The following EXOC6B variants were observed in gnomAD, a reference collection of about 807,000 sequenced individuals.
EXOC6B encodes exocyst complex component 6B.
Under a neutral mutation model 113.5 loss-of-function variants are expected in EXOC6B, and 54 were observed. That is an observed-to-expected ratio of 0.48 (90% CI 0.38 to 0.60). The LOEUF is 0.60. Among genes scored for constraint, EXOC6B ranks in the 20% least tolerant of loss-of-function variants. EXOC6B has a pLI of 0.00. For missense variants in EXOC6B, 797 were observed against 977.5 expected, an observed-to-expected ratio of 0.82 and a Z score of 2.46; for synonymous variants, 357 against 339.0, an observed-to-expected ratio of 1.05 and a Z score of -0.58.
chr2:72,312,768 C>T (rs1421010133), intron 20 of EXOC6B, among the ~76,000 whole-genome samples: 3 of 125,888 alleles, frequency 2.4e-5, no homozygotes, highest in Admixed American at 8.1e-5. Context: ...AAAACAACAA[C>T]AACAACAACA....
intron 8 of EXOC6B, among the ~76,000 whole-genome samples, chr2:72,550,870 A>C (rs1010144393): frequency 1.3e-5 from 2 of 152,064 alleles, no homozygotes; most frequent in African/African-American, 4.8e-5. Context: ...AACCATTAGC[A>C]TCAGAGATAC....
intron 6 of EXOC6B, among the ~76,000 whole-genome samples, chr2:72,682,380 G>C (rs888700224): frequency 6.6e-6 from 1 of 152,036 alleles, no homozygotes; most frequent in African/African-American, 2.4e-5. Context: ...GCAGACAGTA[G>C]TAACATAAAA....
At chr2:72,633,388 A>T (rs1450747291) in intron 6 of EXOC6B, among the ~76,000 whole-genome samples, 1 of 152,118 alleles carries the variant, frequency 6.6e-6, no homozygotes, top group Non-Finnish European at 1.5e-5. Context: ...ATTAGGCAGG[A>T]TCATACAATG....
chr2:72,515,379 C>T, intron 8 of EXOC6B: 2 of 1,155,368 alleles, frequency 1.7e-6, no homozygotes, highest in South Asian at 2.3e-5. Context: ...CACCAGCACA[C>T]CAAAGCTGGT....
chr2:72,491,589 T>G (rs1042038672), intron 16 of EXOC6B, among the ~76,000 whole-genome samples: 1 of 152,148 alleles, frequency 6.6e-6, no homozygotes, highest in Non-Finnish European at 1.5e-5. Context: ...AAAAACAGAT[T>G]GAGGTTACTA....
At chr2:72,258,130 T>C (rs997339736) in intron 20 of EXOC6B, among the ~76,000 whole-genome samples, 1 of 152,168 alleles carries the variant, frequency 6.6e-6, no homozygotes, top group Non-Finnish European at 1.5e-5. Context: ...CTCGCAACTA[T>C]TTCTTTTTAA....
intron 6 of EXOC6B, among the ~76,000 whole-genome samples, chr2:72,672,440 C>T (rs965006121): frequency 6.6e-6 from 1 of 150,408 alleles, no homozygotes; most frequent in Non-Finnish European, 1.5e-5. Flanking sequence ...ACCATCCTGG[C>T]TAACACGGTG....
intron 19 of EXOC6B, among the ~76,000 whole-genome samples, chr2:72,370,997 A>T (rs1009654962): frequency 1.3e-5 from 2 of 151,624 alleles, no homozygotes; most frequent in African/African-American, 4.8e-5. Context: ...TTAAAGTATA[A>T]TAAAAATATA....
At chr2:72,339,789 A>G (rs535629159) in intron 19 of EXOC6B, among the ~76,000 whole-genome samples, 1 of 152,320 alleles carries the variant, frequency 6.6e-6, no homozygotes, top group Admixed American at 6.5e-5. Context: ...AAAAGGAGGT[A>G]TACAAAATAG....
intron 11 of EXOC6B, among the ~76,000 whole-genome samples, chr2:72,512,730 C>G (rs1701006927): frequency 6.6e-6 from 1 of 151,960 alleles, no homozygotes; most frequent in South Asian, 2.1e-4. Context: ...ACTTCTACTT[C>G]TTATTGTATG....
chr2:72,641,725 G>T (rs1008193691), intron 6 of EXOC6B, among the ~76,000 whole-genome samples: 1 of 152,220 alleles, frequency 6.6e-6, no homozygotes, highest in Non-Finnish European at 1.5e-5. Context: ...TCTAAGCACA[G>T]TGTCTGAGCC....
chr2:72,768,438 T>C (rs577898228), intron 1 of EXOC6B, among the ~76,000 whole-genome samples: 86 of 151,796 alleles, frequency 5.7e-4, no homozygotes, highest in African/African-American at 2.0e-3. Context: ...ATTACAGGCA[T>C]GCGCTACCAC....
At chr2:72,437,566 G>C (rs1695953767) in intron 18 of EXOC6B, among the ~76,000 whole-genome samples, 1 of 152,230 alleles carries the variant, frequency 6.6e-6, no homozygotes, top group African/African-American at 2.4e-5. Context: ...CCTGACTGGG[G>C]CTGCTGCCTT....
chr2:72,675,004 C>T (rs1050089736), intron 6 of EXOC6B, among the ~76,000 whole-genome samples: 1 of 152,116 alleles, frequency 6.6e-6, no homozygotes, highest in Non-Finnish European at 1.5e-5. Context: ...TATTTTTAGG[C>T]TAATACTAAA....
chr2:72,773,302 A>C (rs1683510529), intron 1 of EXOC6B, among the ~76,000 whole-genome samples: 1 of 150,608 alleles, frequency 6.6e-6, no homozygotes, highest in Non-Finnish European at 1.5e-5. Context: ...AATTTTTTTC[A>C]CATTTGTTGT....
intron 20 of EXOC6B, among the ~76,000 whole-genome samples, chr2:72,302,736 G>A (rs1686606492): frequency 6.6e-6 from 1 of 151,892 alleles, no homozygotes; most frequent in South Asian, 2.1e-4. Flanking sequence ...TGTGAGATGG[G>A]TCTTAGGTAG....
chr2:72,680,303 G>A (rs1222858459), intron 6 of EXOC6B, among the ~76,000 whole-genome samples: 1 of 152,154 alleles, frequency 6.6e-6, no homozygotes, highest in Non-Finnish European at 1.5e-5. Context: ...CAATTGACAA[G>A]TACATTTTTT....
intron 6 of EXOC6B, among the ~76,000 whole-genome samples, chr2:72,661,289 T>C (rs1217399383): frequency 7.7e-6 from 1 of 129,786 alleles, no homozygotes; most frequent in African/African-American, 2.9e-5. Context: ...CAATGGCACA[T>C]AAAGATTACG....
chr2:72,495,547 T>A lies in EXOC6B; in HGVS notation c.1444-8A>T. The A allele has an allele frequency of 6.8e-7, 1 of 1,464,964 alleles. No individual in the cohort carries two copies. The highest frequency in any genetic ancestry group is 9.5e-7 in the Non-Finnish European group (1 of 1,050,678). 90.7% of individuals were successfully genotyped at this position (1,464,964 alleles called of 1,614,324 possible). On this transcript the variant is annotated splice_polypyrimidine_tract_variant and splice_region_variant and intron_variant, in intron 14 of 21. Transcript: ENST00000272427. ...CTTTTTTGGAAATGGTTGCTGTAAA[T>A]GCAAGAAGTAATGAAATCAAGTCAC...
Sources: gnomAD v4.1 joint callset for allele counts (sites outside exome capture counted in the v4.1 genomes callset) on GRCh38, gnomAD v4.1.1 for gene constraint, MANE v1.5 for transcripts, NCBI Gene and HGNC (gene_info 2026-07-23, HGNC 2026-07-21) for gene names.